PAK1: variants seen among roughly 807,000 people sequenced by gnomAD.
PAK1 encodes the protein p21 (RAC1) activated kinase 1.
A neutral mutation model predicts 67.4 loss-of-function variants in PAK1; 29 were observed. The ratio of observed to expected loss-of-function variants is 0.43; its 90% CI spans 0.32 to 0.59. The LOEUF (loss-of-function observed/expected upper bound fraction) is 0.59, where lower values mean the gene tolerates loss of function less well. PAK1 is among the 20% of genes least tolerant of loss of function. PAK1 has a pLI of 0.07. For synonymous variants in PAK1, 223 were observed against 237.4 expected, an observed-to-expected ratio of 0.94 and a Z score of 0.56; for missense variants, 337 against 670.7, an observed-to-expected ratio of 0.50 and a Z score of 5.50.
chr11:77,388,735 A>G (rs1592167575), intron 2 of PAK1, among the ~76,000 whole-genome samples: 1 of 152,362 alleles, frequency 6.6e-6, no homozygotes, highest in East Asian at 1.9e-4. Flanking sequence ...TGACGTCTAC[A>G]GAGAAATAAT....
At chr11:77,501,458 C>T in the PAK1 span, among the ~76,000 whole-genome samples, 1 of 152,190 alleles carries the variant, frequency 6.6e-6, no homozygotes, top group African/African-American at 2.4e-5. Flanking sequence ...AATTCGACCC[C>T]TCTTCTCGGG....
chr11:77,325,499 C>A, intron 14 of PAK1: 1 of 987,678 alleles, frequency 1.0e-6, no homozygotes, highest in Non-Finnish European at 1.4e-6. Flanking sequence ...TTCAATATAA[C>A]CCATTTATTA....
At chr11:77,358,870 A>T in intron 6 of PAK1, 28 bp downstream of exon 6, 1 of 1,612,532 alleles carries the variant, frequency 6.2e-7, no homozygotes, top group Non-Finnish European at 8.5e-7. Flanking sequence ...AATAAATCAC[A>T]AAACTGGCCA....
chr11:77,460,159 G>GAAA (rs71043579), intron 1 of PAK1, among the ~76,000 whole-genome samples: 4 of 97,118 alleles, frequency 4.1e-5, no homozygotes, highest in South Asian at 2.8e-4. Context: ...CTGTAGAATA[G>GAAA]AAAAAAAAAA....
At chr11:77,352,117 C>T (rs1945336291) in intron 8 of PAK1, among the ~76,000 whole-genome samples, 1 of 152,000 alleles carries the variant, frequency 6.6e-6, no homozygotes, top group South Asian at 2.1e-4. Flanking sequence ...ATAGTATCTG[C>T]TCTTTTATAT....
At chr11:77,494,353 TG>T in the PAK1 span, among the ~76,000 whole-genome samples, 3 of 152,218 alleles carry the variant, frequency 2.0e-5, no homozygotes, top group Non-Finnish European at 4.4e-5. Flanking sequence ...TGCTGCTAAA[TG>T]TAAAACAAAA....
chr11:77,372,521 G>A (rs1292034255), intron 5 of PAK1, among the ~76,000 whole-genome samples: 3 of 152,130 alleles, frequency 2.0e-5, no homozygotes, highest in South Asian at 2.1e-4. Context: ...AAATGACTCC[G>A]AATAAACCAG....
At chr11:77,357,414 A>T (rs1946181161) in intron 6 of PAK1, among the ~76,000 whole-genome samples, 1 of 152,190 alleles carries the variant, frequency 6.6e-6, no homozygotes. Flanking sequence ...TCAATTTTCT[A>T]TTCTTGTACC....
chr11:77,426,730 C>A (rs1399949926), intron 1 of PAK1, among the ~76,000 whole-genome samples: 1 of 151,686 alleles, frequency 6.6e-6, no homozygotes, highest in Non-Finnish European at 1.5e-5. Flanking sequence ...TGATTCAACC[C>A]CTGTGGAGGC....
chr11:77,349,344 T>C (rs572868146), intron 8 of PAK1, 57 bp from the exon 9 acceptor site: 2 of 1,373,162 alleles, frequency 1.5e-6, no homozygotes, highest in East Asian at 2.4e-5. Context: ...AATAAAGTGA[T>C]ATTTGTCAAA....
intron 5 of PAK1, among the ~76,000 whole-genome samples, chr11:77,371,623 A>G (rs1948439385): frequency 6.6e-6 from 1 of 152,198 alleles, no homozygotes; most frequent in South Asian, 2.1e-4. Flanking sequence ...TGATTATTTC[A>G]CAAGTGGAAT....
chr11:77,460,660 G>A lies in PAK1; in HGVS notation c.-22+12892C>T, dbSNP rs958767673. Among the ~76,000 whole-genome samples the A allele has an allele frequency of 5.3e-5, 8 of 152,022 alleles. No individual in the cohort carries two copies. In the East Asian group the frequency reaches 1.3e-3, roughly 26 times the overall value. Reference sequence around the variant, plus strand: ...GCAAAATTTAAAGATGCCATAAAGCGAGATTTCTAAAATGGGACCATGGGA... The same window carrying A: ...GCAAAATTTAAAGATGCCATAAAGCAAGATTTCTAAAATGGGACCATGGGA... On this transcript the variant is annotated intron_variant, in intron 1 of 14. Coordinates refer to ENST00000356341, the MANE Select transcript of PAK1 (RefSeq NM_002576.5).
intron 2 of PAK1, among the ~76,000 whole-genome samples, chr11:77,385,044 T>C (rs1950283664): frequency 6.6e-6 from 1 of 152,150 alleles, no homozygotes; most frequent in African/African-American, 2.4e-5. Context: ...CTTAGCAAAC[T>C]AGGATTACAA....
At chr11:77,441,524 A>G (rs1196150097) in intron 1 of PAK1, among the ~76,000 whole-genome samples, 1 of 152,248 alleles carries the variant, frequency 6.6e-6, no homozygotes, top group Admixed American at 6.5e-5. Flanking sequence ...ATGGAGGTGG[A>G]TAAGTTCTAT....
At chr11:77,404,272 T>TC (rs1419796717) in intron 1 of PAK1, among the ~76,000 whole-genome samples, 2 of 137,858 alleles carry the variant, frequency 1.5e-5, no homozygotes, top group Admixed American at 1.4e-4. Flanking sequence ...TTTTTCTTTC[T>TC]TTTTTTTTTT....
intron 14 of PAK1, among the ~76,000 whole-genome samples, chr11:77,331,463 T>G (rs1262866590): frequency 6.6e-6 from 1 of 152,112 alleles, no homozygotes; most frequent in Non-Finnish European, 1.5e-5. Flanking sequence ...CCATAAAAAA[T>G]GATGAGTTCA....
intron 14 of PAK1, among the ~76,000 whole-genome samples, chr11:77,331,594 A>G (rs541795115): frequency 6.6e-6 from 1 of 152,310 alleles, no homozygotes; most frequent in African/African-American, 2.4e-5. Context: ...ATGAGAACAC[A>G]TGGACACAGG....
At chr11:77,493,175 G>A in the PAK1 span, among the ~76,000 whole-genome samples, 1 of 151,096 alleles carries the variant, frequency 6.6e-6, no homozygotes, top group African/African-American at 2.4e-5. Flanking sequence ...TGTTGCCCAG[G>A]TTGGTCTTAA....
chr11:77,446,897 GA>G lies in PAK1; in HGVS notation c.-22+26654del, dbSNP rs11420682. Among the ~76,000 whole-genome samples, 605 of 123,538 alleles carry G rather than the reference GA, an allele frequency of 4.9e-3. 5 individuals are homozygous for G. Among genetic ancestry groups the G allele is most frequent in the African/African-American group, 0.012 (411 of 35,144 alleles). The allele number at this position is 123,538 out of a possible 152,430, so 81.0% of individuals were successfully genotyped here. A position where few individuals can be genotyped will look rare whatever the true frequency, so the allele number is the denominator to read the frequency against. On this transcript the variant is annotated intron_variant, in intron 1 of 14. Transcript: ENST00000356341. ...GTGAATAGGGGAGCTGTGACAAAAA[GA>G]AAAAAAAAAAACAAAAAAGGAGAGC...
Sources: allele counts gnomAD v4.1 joint callset (sites outside exome capture counted in the v4.1 genomes callset), GRCh38; gene constraint gnomAD v4.1.1; transcripts MANE v1.5; gene names NCBI Gene and HGNC (gene_info 2026-07-23, HGNC 2026-07-21).